Variants in RMP64 observed in about 807,000 individuals in gnomAD.
RMP64 encodes the protein nucleolus and neural progenitor protein.
chr3:113,005,566 A>C, the RMP64 span: 1 of 1,612,898 alleles, frequency 6.2e-7, no homozygotes, highest in African/African-American at 1.3e-5. Flanking sequence ...AAATATCATC[A>C]ATGTCATCTG....
At chr3:113,008,658 T>G in the RMP64 span, 225 of 343,326 alleles carry the variant, frequency 6.6e-4, no homozygotes, top group African/African-American at 4.4e-3. Flanking sequence ...CCACAAAACC[T>G]AAAAATTAAA....
At chr3:113,003,489 C>G in the RMP64 span, 6 of 152,060 alleles carry the variant, frequency 3.9e-5, no homozygotes, top group Non-Finnish European at 8.8e-5. Context: ...GTAACTGATA[C>G]AGAATACTGA....
chr3:113,019,527 C>T, the RMP64 span: 4 of 1,600,482 alleles, frequency 2.5e-6, no homozygotes, highest in Non-Finnish European at 3.4e-6. Flanking sequence ...CATCCTCGCC[C>T]GGCGCCTCAC....
chr3:113,013,342 C>CCAACTCCACCA, the RMP64 span: 1 of 1,613,900 alleles, frequency 6.2e-7, no homozygotes, highest in Non-Finnish European at 8.5e-7. Context: ...TTCATCAACA[C>CCAACTCCACCA]CAACTCCACC....
the RMP64 span, chr3:113,005,453 G>A: frequency 1.2e-6 from 1 of 853,474 alleles, no homozygotes; most frequent in African/African-American, 1.7e-5. Context: ...AGTCCAGGTG[G>A]TACTTCCAGA....
the RMP64 span, chr3:113,011,001 G>GT: frequency 2.7e-6 from 4 of 1,508,904 alleles, no homozygotes; most frequent in Admixed American, 4.6e-5. Context: ...CTTTTTATTT[G>GT]TTTTTTGTTT....
chr3:113,008,829 G>C, the RMP64 span: 2 of 169,380 alleles, frequency 1.2e-5, no homozygotes, highest in Non-Finnish European at 2.6e-5. Flanking sequence ...ACATAGGAAA[G>C]TTAACATAAA....
chr3:113,005,410 T>C, the RMP64 span: 1 of 638,890 alleles, frequency 1.6e-6, no homozygotes, highest in East Asian at 2.7e-5. Flanking sequence ...AATGAACTCC[T>C]GTGCAATGCT....
chr3:113,015,523 G>T, the RMP64 span, among the ~76,000 whole-genome samples: 1 of 151,970 alleles, frequency 6.6e-6, no homozygotes, highest in Non-Finnish European at 1.5e-5. Flanking sequence ...TAGAGATAGG[G>T]AAGTTTCTAA....
At chr3:113,019,640 G>A in the RMP64 span, 2 of 1,612,710 alleles carry the variant, frequency 1.2e-6, no homozygotes, top group Non-Finnish European at 1.7e-6. Context: ...CGGCACCGCA[G>A]CCATCATGCG....
chr3:113,005,762 G>T, the RMP64 span: 2 of 1,613,904 alleles, frequency 1.2e-6, no homozygotes, highest in East Asian at 4.5e-5. Context: ...TCTATGCACA[G>T]TACAGTGTGA....
At chr3:113,014,161 AT>A in the RMP64 span, 47 of 602,476 alleles carry the variant, frequency 7.8e-5, no homozygotes, top group South Asian at 1.3e-4. Context: ...AGAATACCTT[AT>A]TTTTTTTCAG....
chr3:113,019,626 C>A, the RMP64 span: 2 of 1,613,440 alleles, frequency 1.2e-6, no homozygotes, highest in African/African-American at 1.3e-5. Context: ...GGCTCCAGGC[C>A]CGGCGGCACC....
the RMP64 span, chr3:113,003,974 A>C: frequency 6.6e-6 from 1 of 152,222 alleles, no homozygotes; most frequent in African/African-American, 2.4e-5. Flanking sequence ...TGGTCCACAA[A>C]GCTATACACC....
the RMP64 span, chr3:113,012,802 CA>C: frequency 6.3e-7 from 1 of 1,597,992 alleles, no homozygotes; most frequent in Non-Finnish European, 8.6e-7. Context: ...CTAGATGTTT[CA>C]CAGTCAAACT....
the RMP64 span, chr3:113,012,691 G>A: frequency 4.7e-6 from 5 of 1,070,122 alleles, no homozygotes; most frequent in Non-Finnish European, 7.2e-6. Flanking sequence ...TAGGCTGAAA[G>A]GAGATGAGAA....
At chr3:113,011,153 T>C in the RMP64 span, 1 of 1,613,688 alleles carries the variant, frequency 6.2e-7, no homozygotes, top group Non-Finnish European at 8.5e-7. Context: ...GTTTCTTCAC[T>C]GGCTCTTGGT....
chr3:113,005,315 T>G, the RMP64 span: 7 of 542,226 alleles, frequency 1.3e-5, no homozygotes, highest in Non-Finnish European at 2.3e-5. Flanking sequence ...TTTTTCATAT[T>G]AACACCTGAC....
At chr3:113,011,094 C>G in the RMP64 span, 2 of 1,611,746 alleles carry the variant, frequency 1.2e-6, no homozygotes, top group South Asian at 2.2e-5. Context: ...CCACATTATT[C>G]TGTACATTGA....
Sources: allele counts gnomAD v4.1 joint callset (sites outside exome capture counted in the v4.1 genomes callset), GRCh38; gene constraint gnomAD v4.1.1; transcripts MANE v1.5; gene names NCBI Gene and HGNC (gene_info 2026-07-23, HGNC 2026-07-21).